The following VRK2 variants were observed in gnomAD, a reference collection of about 807,000 sequenced individuals.
The protein encoded by VRK2 is serine/threonine-protein kinase VRK2.
In VRK2, 60 loss-of-function variants were observed where a neutral mutation model predicts 57.6. The ratio of observed to expected loss-of-function variants is 1.04; its 90% CI spans 0.85 to 1.29. VRK2 has a LOEUF of 1.29. Ranked by LOEUF, VRK2 falls within the 50% of genes most tolerant of loss-of-function variation. The probability of loss-of-function intolerance (pLI) is 0.00; values close to 1 mark genes in which losing one functional copy is unlikely to be tolerated. For synonymous variants in VRK2, 231 were observed against 199.2 expected (o/e 1.16, Z -1.35); for missense variants, 705 against 588.1 (o/e 1.20, Z -2.06).
intron 1 of VRK2, among the ~76,000 whole-genome samples, chr2:57,951,129 T>G (rs754317892): frequency 2.0e-5 from 3 of 151,992 alleles, no homozygotes; most frequent in Non-Finnish European, 4.4e-5. Flanking sequence ...TGGTGATTCA[T>G]GGGAGGAGTT....
chr2:57,980,692 G>C (rs770964365), intron 1 of VRK2, among the ~76,000 whole-genome samples: 1 of 152,112 alleles, frequency 6.6e-6, no homozygotes, highest in African/African-American at 2.4e-5. Flanking sequence ...ACAGAAATTT[G>C]TTTTATGAAT....
At position 58,159,484 on chromosome 2, in the gene VRK2, G is replaced by C. The variant is rs951671744; in HGVS notation, c.1318G>C (p.Asp440His). The C allele has an allele frequency of 3.1e-6, 5 of 1,613,562 alleles. No homozygotes were observed. In the East Asian group the frequency reaches 8.9e-5, roughly 29 times the overall value. The change falls in exon 13 of 13, where the codon GAT becomes CAT. Residue 440 changes from aspartate (D) to histidine (H), a missense_variant. Transcript: ENST00000340157. ...YEPHQDFTSPDIFKKSRSPSW... is the reference protein window; with the variant it reads ...YEPHQDFTSPHIFKKSRSPSW... ...GCCTCATCAAGATTTTACCAGTCCA[G>C]ATATATTCAAGAAGTCAAGATCTCC...
In VRK2 at chr2:58,075,695, C is replaced by T. The variant is rs542773857; in HGVS notation, c.137-8394C>T. On this transcript the variant is annotated intron_variant, in intron 2 of 12. Transcript: ENST00000340157. The stretch of plus-strand genomic sequence containing the variant: ...CAGGATGTGACCTTCACCAGTATTT[C>T]TCAGCTTCCTGTACCCTACTTAGGT... Among the ~76,000 whole-genome samples the T allele has an allele frequency of 4.6e-5, 7 of 152,230 alleles. No individual in the cohort carries two copies. The South Asian group carries it at 1.2e-3, about 27-fold the overall frequency.
chr2:57,948,459 T>C, intron 1 of VRK2, among the ~76,000 whole-genome samples: 1 of 152,200 alleles, frequency 6.6e-6, no homozygotes, highest in Non-Finnish European at 1.5e-5. Flanking sequence ...TTTTTAGCTG[T>C]ATCCAGTTCT....
At chr2:58,116,328 A>G (rs546263843) in intron 7 of VRK2, among the ~76,000 whole-genome samples, 2 of 149,972 alleles carry the variant, frequency 1.3e-5, no homozygotes, top group East Asian at 1.9e-4. Flanking sequence ...AACGGCAGCA[A>G]TGAGATGCGG....
At chr2:58,125,021 A>C (rs995273624) in intron 8 of VRK2, among the ~76,000 whole-genome samples, 1 of 152,272 alleles carries the variant, frequency 6.6e-6, no homozygotes, top group South Asian at 2.1e-4. Flanking sequence ...TAAATATTTT[A>C]TTCTGTTACA....
intron 1 of VRK2, among the ~76,000 whole-genome samples, chr2:57,982,915 T>C (rs951851851): frequency 2.0e-5 from 3 of 152,194 alleles, no homozygotes; most frequent in Non-Finnish European, 4.4e-5. Context: ...CTCTAGATAG[T>C]TCTCCTTGAC....
chr2:57,935,170 C>A (rs551995996), intron 1 of VRK2, among the ~76,000 whole-genome samples: 1 of 152,278 alleles, frequency 6.6e-6, no homozygotes, highest in Admixed American at 6.5e-5. Context: ...GCATTGCTGT[C>A]TTTGCATTTG....
intron 1 of VRK2, among the ~76,000 whole-genome samples, chr2:57,966,817 A>C (rs1403049918): frequency 6.6e-6 from 1 of 152,176 alleles, no homozygotes; most frequent in East Asian, 1.9e-4. Flanking sequence ...CCAAGAAACT[A>C]TGGAAATATT....
intron 1 of VRK2, among the ~76,000 whole-genome samples, chr2:57,973,260 C>T (rs373073343): frequency 6.6e-6 from 1 of 151,744 alleles, no homozygotes; most frequent in Non-Finnish European, 1.5e-5. Flanking sequence ...GTTTCTCTTA[C>T]GGATAAATTT....
chr2:58,122,841 G>A (rs1456221776), intron 7 of VRK2, among the ~76,000 whole-genome samples: 1 of 152,098 alleles, frequency 6.6e-6, no homozygotes, highest in Non-Finnish European at 1.5e-5. Flanking sequence ...GGAGGGAAGG[G>A]AATTTAGGAG....
intron 1 of VRK2, among the ~76,000 whole-genome samples, chr2:57,919,407 G>T (rs891748932): frequency 6.6e-6 from 1 of 152,008 alleles, no homozygotes; most frequent in Non-Finnish European, 1.5e-5. Context: ...TTATAAAAGT[G>T]ACTTTCGATT....
intron 1 of VRK2, among the ~76,000 whole-genome samples, chr2:57,943,326 T>C (rs1041906969): frequency 2.0e-5 from 3 of 152,214 alleles, no homozygotes; most frequent in South Asian, 2.1e-4. Context: ...TTATGGCAAA[T>C]AGCATACTAT....
At chr2:57,941,431 C>G (rs1671090912) in intron 1 of VRK2, among the ~76,000 whole-genome samples, 1 of 151,906 alleles carries the variant, frequency 6.6e-6, no homozygotes, top group Non-Finnish European at 1.5e-5. Context: ...TAAAAAACAC[C>G]CTTGCTTTAG....
At chr2:58,042,951 C>G (rs1471459297), upstream of VRK2, among the ~76,000 whole-genome samples, 1 of 152,050 alleles carries the variant, frequency 6.6e-6, no homozygotes, top group Non-Finnish European at 1.5e-5. Flanking sequence ...CAGTTTTCAT[C>G]TTGAAACATA....
At chr2:58,146,940 A>G (rs145537576) in intron 12 of VRK2, among the ~76,000 whole-genome samples, 21 of 152,110 alleles carry the variant, frequency 1.4e-4, no homozygotes, top group Admixed American at 2.6e-4. Flanking sequence ...AAGTAACAGC[A>G]AAAATCCTCC....
intron 12 of VRK2, chr2:58,154,852 T>G (rs1683557465): frequency 2.9e-6 from 2 of 684,308 alleles, no homozygotes; most frequent in East Asian, 2.7e-5. Flanking sequence ...TTGTACTGCA[T>G]CCTGTAAATA....
chr2:58,116,915 T>C (rs1358815572), intron 7 of VRK2, among the ~76,000 whole-genome samples: 1 of 152,172 alleles, frequency 6.6e-6, no homozygotes, highest in Non-Finnish European at 1.5e-5. Context: ...AACGCCTGGC[T>C]GCTGCGGTTC....
chr2:58,067,394 A>G (rs149421046), intron 2 of VRK2, among the ~76,000 whole-genome samples: 6 of 152,232 alleles, frequency 3.9e-5, no homozygotes, highest in African/African-American at 1.4e-4. Flanking sequence ...CCTCTAGAGA[A>G]CCCTGACTAA....
Sources: allele counts gnomAD v4.1 joint callset (sites outside exome capture counted in the v4.1 genomes callset), GRCh38; gene constraint gnomAD v4.1.1; transcripts MANE v1.5; gene names NCBI Gene and HGNC (gene_info 2026-07-23, HGNC 2026-07-21).